CSMD3: variants seen among roughly 807,000 people sequenced by gnomAD.
CSMD3 encodes CUB and Sushi multiple domains 3.
Under a neutral mutation model 435.2 loss-of-function variants are expected in CSMD3, and 177 were observed. The ratio of observed to expected loss-of-function variants is 0.41; its 90% CI spans 0.36 to 0.46. CSMD3 has a LOEUF of 0.46. Ranked by LOEUF, CSMD3 falls within the 20% of genes least tolerant of loss-of-function variation. The pLI is 0.34. For missense variants in CSMD3, 4,265 were observed against 4,504.6 expected (o/e 0.95, Z 1.52); for synonymous variants, 1,656 against 1,520.5 (o/e 1.09, Z -2.07).
chr8:113,318,144 T>G (rs1236103148), intron 1 of CSMD3, among the ~76,000 whole-genome samples: 2 of 152,094 alleles, frequency 1.3e-5, no homozygotes, highest in Non-Finnish European at 2.9e-5. Context: ...AGAAATGGGG[T>G]TGCAGAAAAT....
rs377157318 is a variant in CSMD3, at chr8:113,083,048, C to T, written c.917+15708G>A. Among the ~76,000 whole-genome samples the T allele has an allele frequency of 3.3e-5, 5 of 152,260 alleles. No homozygotes were observed. In the East Asian group the frequency reaches 9.7e-4, roughly 30 times the overall value. ...TTAATGAAATAATAGCTGAAAACGT[C>T]CCATGTCTTAGGAGAGAACTAGACA... is the stretch of plus-strand genomic sequence containing the variant. On this transcript the variant is annotated intron_variant, in intron 5 of 70. Coordinates refer to ENST00000297405, the MANE Select transcript of CSMD3 (RefSeq NM_198123.2).
Position 113,325,142 on chromosome 8 carries a change from G to A in CSMD3, c.179-10349C>T, listed in dbSNP as rs893475011. Among the ~76,000 whole-genome samples the A allele has an allele frequency of 9.8e-5, 15 of 152,298 alleles. 1 individual carries two copies. Among genetic ancestry groups the A allele is most frequent in the African/African-American group, 3.6e-4 (15 of 41,562 alleles). On this transcript the variant is annotated intron_variant, in intron 1 of 70. Coordinates refer to ENST00000297405, the MANE Select transcript of CSMD3 (RefSeq NM_198123.2). ...TGTGTCAGATGAGACTTTGGACTAC[G>A]GACTTCTGAGTTAATGCTGAAATGA...
At chr8:113,091,772 C>G (rs1011076845) in intron 5 of CSMD3, among the ~76,000 whole-genome samples, 1 of 151,708 alleles carries the variant, frequency 6.6e-6, no homozygotes. Context: ...CTCTTTATTT[C>G]TATTTCATTT....
intron 5 of CSMD3, among the ~76,000 whole-genome samples, chr8:113,069,825 G>C (rs2089026416): frequency 6.6e-6 from 1 of 152,044 alleles, no homozygotes; most frequent in African/African-American, 2.4e-5. Flanking sequence ...CTTTATGACT[G>C]TCTTGCTGTA....
At chr8:113,356,369 T>A (rs7840910) in intron 1 of CSMD3, among the ~76,000 whole-genome samples, 1 of 152,074 alleles carries the variant, frequency 6.6e-6, no homozygotes, top group Non-Finnish European at 1.5e-5. Context: ...ACTATGTTCA[T>A]CAAACCTGAG....
intron 3 of CSMD3, among the ~76,000 whole-genome samples, chr8:113,239,498 T>TTATCTAAC: frequency 6.7e-6 from 1 of 149,118 alleles, no homozygotes; most frequent in South Asian, 2.1e-4. Context: ...GTATGTAGTT[T>TTATCTAAC]TATCTATCTA....
intron 5 of CSMD3, among the ~76,000 whole-genome samples, chr8:113,031,807 C>T (rs1402744565): frequency 6.6e-6 from 1 of 151,412 alleles, no homozygotes; most frequent in Non-Finnish European, 1.5e-5. Context: ...TTTGTGTCCC[C>T]ACCCAAATCT....
chr8:113,097,648 A>T (rs2090204868), intron 5 of CSMD3, among the ~76,000 whole-genome samples: 1 of 152,038 alleles, frequency 6.6e-6, no homozygotes, highest in East Asian at 1.9e-4. Flanking sequence ...ATCATATAAG[A>T]AATATAGTTG....
At chr8:112,414,301 T>G (rs1013655566) in intron 32 of CSMD3, among the ~76,000 whole-genome samples, 1 of 152,118 alleles carries the variant, frequency 6.6e-6, no homozygotes, top group Non-Finnish European at 1.5e-5. Flanking sequence ...TCATGGAGGT[T>G]GTTTTCCCTT....
intron 28 of CSMD3, among the ~76,000 whole-genome samples, chr8:112,514,602 T>C (rs1335204613): frequency 6.6e-6 from 1 of 152,178 alleles, no homozygotes; most frequent in Non-Finnish European, 1.5e-5. Flanking sequence ...TCATATTGAA[T>C]GCTTCTACTT....
At chr8:112,566,280 C>T (rs185556007) in intron 24 of CSMD3, among the ~76,000 whole-genome samples, 2 of 151,984 alleles carry the variant, frequency 1.3e-5, no homozygotes, top group East Asian at 3.9e-4. Flanking sequence ...GGTAACTTTG[C>T]TATGCTTTTT....
chr8:112,652,442 C>A (rs1302748222), intron 18 of CSMD3, among the ~76,000 whole-genome samples: 2 of 152,088 alleles, frequency 1.3e-5, no homozygotes, highest in Admixed American at 6.5e-5. Flanking sequence ...TGGTCATATA[C>A]AATGTAAATT....
At chr8:113,273,209 T>C (rs1588420864) in intron 3 of CSMD3, among the ~76,000 whole-genome samples, 1 of 152,046 alleles carries the variant, frequency 6.6e-6, no homozygotes, top group Non-Finnish European at 1.5e-5. Flanking sequence ...ATCCCACTCA[T>C]GGGATATGTG....
At chr8:112,957,155 A>G (rs2084050219) in intron 7 of CSMD3, among the ~76,000 whole-genome samples, 1 of 152,154 alleles carries the variant, frequency 6.6e-6, no homozygotes, top group Admixed American at 6.5e-5. Context: ...TACAATATAT[A>G]CCATAAAATA....
rs566493219 is a variant in CSMD3 at position 113,051,994 on chromosome 8, A to AT, written c.918-32816dup. The stretch of plus-strand genomic sequence containing the variant: ...GAGATCTGTTTCTGGTACTTGTTTA[A>AT]TTTTTTGTTTCCTATTAGTAGGATT... On this transcript the variant is annotated intron_variant, in intron 5 of 70. Coordinates refer to ENST00000297405, the MANE Select transcript of CSMD3 (RefSeq NM_198123.2). Among the ~76,000 whole-genome samples the AT allele has an allele frequency of 3.0e-3, 454 of 152,218 alleles. 2 individuals carry two copies. Among genetic ancestry groups the AT allele is most frequent in the African/African-American group, 9.2e-3 (381 of 41,560 alleles).
rs1222878959 is a variant in CSMD3, at chr8:112,535,777, C to T, written c.4564+14894G>A. On this transcript the variant is annotated intron_variant, in intron 27 of 70. Transcript: ENST00000297405. ...TGCTACTTGACTTCAAACTATACTA[C>T]AAGGCTACAGTGACCAAAACAGCAT... 7.9e-5 allele frequency among the ~76,000 whole-genome samples: 12 copies of T among 152,276 alleles called. No individual in the cohort carries two copies. The East Asian group carries it at 1.7e-3, about 22-fold the overall frequency.
At chr8:112,912,536 A>G (rs2082453447) in intron 10 of CSMD3, among the ~76,000 whole-genome samples, 1 of 151,910 alleles carries the variant, frequency 6.6e-6, no homozygotes, top group African/African-American at 2.4e-5. Context: ...TTGGACCTTT[A>G]TTTCACATCT....
intron 23 of CSMD3, among the ~76,000 whole-genome samples, chr8:112,581,909 G>A (rs1830362361): frequency 6.6e-6 from 1 of 152,070 alleles, no homozygotes; most frequent in Admixed American, 6.6e-5. Context: ...GTAGAGACCT[G>A]AAGGAAATGA....
rs1369527498 is a variant in CSMD3, at chr8:113,377,034, T to TGGGGC, written c.178+59638_178+59642dup. 10 of 106,010 alleles carry TGGGGC rather than the reference T, an allele frequency of 9.4e-5. No homozygotes were observed. The East Asian group carries it at 1.9e-3, about 20-fold the overall frequency. 6.6% of individuals were successfully genotyped at this position (106,010 alleles called of 1,614,324 possible). ...TCTAGGGAGTGGGGTGGGGTGGGGG[T>TGGGGC]GGGGCGGAGCGGAGCGGGGCGCGGG... On this transcript the variant is annotated intron_variant, in intron 1 of 70. Transcript: ENST00000297405.
Sources: gnomAD v4.1 joint callset for allele counts (sites outside exome capture counted in the v4.1 genomes callset) on GRCh38, gnomAD v4.1.1 for gene constraint, MANE v1.5 for transcripts, NCBI Gene and HGNC (gene_info 2026-07-23, HGNC 2026-07-21) for gene names.